WDR4: variants seen among roughly 807,000 people sequenced by gnomAD.
WDR4 encodes WDR4 tRNA N7-guanosine methyltransferase non-catalytic subunit.
A neutral mutation model predicts 48.6 loss-of-function variants in WDR4; 47 were observed. The ratio of observed to expected loss-of-function variants is 0.97; its 90% CI spans 0.77 to 1.23. The LOEUF (loss-of-function observed/expected upper bound fraction) is 1.23, where lower values mean the gene tolerates loss of function less well. Among genes scored for constraint, WDR4 ranks in the 50% most tolerant of loss-of-function variants. The pLI, the probability that WDR4 is intolerant of heterozygous loss-of-function variation, is 0.00. For missense variants in WDR4, 606 were observed against 551.6 expected, an observed-to-expected ratio of 1.10 and a Z score of -0.99; for synonymous variants, 268 against 230.0, an observed-to-expected ratio of 1.17 and a Z score of -1.49.
At chr21:42,860,723 C>T (rs532793739) in intron 5 of WDR4, among the ~76,000 whole-genome samples, 103 of 152,256 alleles carry the variant, frequency 6.8e-4, no homozygotes, top group Non-Finnish European at 1.2e-3. Flanking sequence ...GTTTGAAAGG[C>T]CGGGAAACCA....
chr21:42,886,691 C>G, the WDR4 span: 1 of 152,250 alleles, frequency 6.6e-6, no homozygotes, highest in Non-Finnish European at 1.5e-5. Flanking sequence ...GGTCATTGCC[C>G]GCCGAGCTTT....
In WDR4 at chr21:42,859,733, G is replaced by A. The variant is rs767140909; in HGVS notation, c.567-11C>T. ...ATACGGCTCACAAACCTGTGAGGGC[G>A]AGAGAGAGCGGCAGAGTCAGCGAGC... On this transcript the variant is annotated splice_polypyrimidine_tract_variant and intron_variant, in intron 5 of 10. Transcript: ENST00000398208. The A allele has an allele frequency of 1.8e-5, 28 of 1,555,648 alleles. No individual in the cohort carries two copies. The East Asian group carries it at 3.6e-4, about 20-fold the overall frequency.
At chr21:42,874,167 G>A (rs1226851978) in intron 2 of WDR4, among the ~76,000 whole-genome samples, 1 of 152,200 alleles carries the variant, frequency 6.6e-6, no homozygotes, top group Non-Finnish European at 1.5e-5. Context: ...ACATTTATTA[G>A]TTCCCCAAAT....
chr21:42,879,075 T>C (rs1399027536), intron 1 of WDR4: 2 of 1,132,968 alleles, frequency 1.8e-6, no homozygotes, highest in East Asian at 4.8e-5. Flanking sequence ...TCGCCCCACG[T>C]GCTCTACCTA....
At chr21:42,887,795 G>A in the WDR4 span, among the ~76,000 whole-genome samples, 1 of 150,726 alleles carries the variant, frequency 6.6e-6, no homozygotes, top group Non-Finnish European at 1.5e-5. Flanking sequence ...GCGTGTGCCT[G>A]TAATCCGAGT....
At chr21:42,848,510 C>T (rs1229036416), downstream of WDR4, among the ~76,000 whole-genome samples, 4 of 57,210 alleles carry the variant, frequency 7.0e-5, no homozygotes, top group East Asian at 3.8e-4. Flanking sequence ...TCACACGGCG[C>T]GCACCTCACA....
chr21:42,889,640 G>A, the WDR4 span, among the ~76,000 whole-genome samples: 1 of 151,864 alleles, frequency 6.6e-6, no homozygotes, highest in African/African-American at 2.4e-5. Context: ...TGTTTTTTTT[G>A]GATCCCTAGA....
At chr21:42,878,270 A>G (rs2058547198) in intron 1 of WDR4, among the ~76,000 whole-genome samples, 1 of 152,160 alleles carries the variant, frequency 6.6e-6, no homozygotes, top group Non-Finnish European at 1.5e-5. Flanking sequence ...TATCTTGTAC[A>G]TATTTATAGC....
chr21:42,859,609 CTCCCTGCAGGCT>C, intron 6 of WDR4, 41 bp downstream of exon 6: 1 of 739,430 alleles, frequency 1.4e-6, no homozygotes, highest in Non-Finnish European at 2.0e-6. Flanking sequence ...CCACCCCACC[CTCCCTGCAGGCT>C]CAAGAATCCA....
At chr21:42,887,525 T>G in the WDR4 span, among the ~76,000 whole-genome samples, 21 of 152,234 alleles carry the variant, frequency 1.4e-4, no homozygotes, top group African/African-American at 4.8e-4. Flanking sequence ...GCATTTTAAG[T>G]AGATACTTAG....
intron 1 of WDR4, chr21:42,879,138 G>A (rs1016760525): frequency 2.4e-6 from 3 of 1,236,592 alleles, no homozygotes; most frequent in Non-Finnish European, 2.0e-6. Context: ...GGCGCTAACC[G>A]GGCAAGAACA....
chr21:42,889,055 C>CTATA, the WDR4 span, among the ~76,000 whole-genome samples: 1 of 147,188 alleles, frequency 6.8e-6, no homozygotes, highest in Non-Finnish European at 1.5e-5. Context: ...AGGGTTCAAT[C>CTATA]TATATATATA....
At chr21:42,850,390 C>T (rs935061473) in intron 10 of WDR4, 148 bp from the exon 11 acceptor site, 10 of 641,826 alleles carry the variant, frequency 1.6e-5, no homozygotes, top group Non-Finnish European at 2.3e-5. Flanking sequence ...CGGCTCCCCA[C>T]GGTGCCCACC....
the WDR4 span, among the ~76,000 whole-genome samples, chr21:42,892,253 CAAA>C: frequency 3.3e-4 from 41 of 122,712 alleles, no homozygotes; most frequent in South Asian, 5.1e-4. Flanking sequence ...GACTCCGTCT[CAAA>C]AAAAAAAAAA....
chr21:42,885,587 C>G, the WDR4 span, among the ~76,000 whole-genome samples: 1 of 133,594 alleles, frequency 7.5e-6, no homozygotes, highest in Non-Finnish European at 1.6e-5. Flanking sequence ...CCAGCCTGGG[C>G]AAAAAGCGCA....
intron 3 of WDR4, among the ~76,000 whole-genome samples, chr21:42,870,846 T>G (rs972997860): frequency 2.6e-5 from 4 of 152,174 alleles, no homozygotes; most frequent in African/African-American, 9.7e-5. Context: ...TTTTAACTTT[T>G]GGGAGTCCAA....
chr21:42,873,447 C>T (rs1171849752), intron 3 of WDR4, 104 bp downstream of exon 3: 2 of 1,504,310 alleles, frequency 1.3e-6, no homozygotes, highest in Non-Finnish European at 1.8e-6. Flanking sequence ...TCCGTGTCAA[C>T]CACTTATCAC....
the WDR4 span, among the ~76,000 whole-genome samples, chr21:42,887,180 C>T: frequency 1.5e-4 from 23 of 152,106 alleles, no homozygotes; most frequent in African/African-American, 5.5e-4. Flanking sequence ...TTAGTAGAGA[C>T]GGGGTTTCTC....
upstream of WDR4, among the ~76,000 whole-genome samples, chr21:42,883,014 G>A (rs1005711969): frequency 4.0e-5 from 6 of 148,832 alleles, no homozygotes; most frequent in African/African-American, 7.5e-5. Flanking sequence ...CAGGACAACC[G>A]CTTGAACGTG....
Sources: gnomAD v4.1 joint callset for allele counts (sites outside exome capture counted in the v4.1 genomes callset) on GRCh38, gnomAD v4.1.1 for gene constraint, MANE v1.5 for transcripts, NCBI Gene and HGNC (gene_info 2026-07-23, HGNC 2026-07-21) for gene names.